DCLK2: variants seen among roughly 807,000 people sequenced by gnomAD.
The protein encoded by DCLK2 is doublecortin like kinase 2.
DCLK2 carries 31 observed loss-of-function variants against 78.4 expected under a neutral mutation model. The observed-to-expected ratio is 0.40, with a 90% confidence interval of 0.30 to 0.53. The LOEUF (loss-of-function observed/expected upper bound fraction) is 0.53. Among genes scored for constraint, DCLK2 ranks in the 20% least tolerant of loss-of-function variants. The probability of loss-of-function intolerance (pLI) is 0.61; values close to 1 mark genes in which losing one functional copy is unlikely to be tolerated. For missense variants in DCLK2, 872 were observed against 973.7 expected (o/e 0.90, Z 1.39); for synonymous variants, 407 against 374.9 (o/e 1.09, Z -0.99).
intron 2 of DCLK2, among the ~76,000 whole-genome samples, chr4:150,130,203 G>T (rs990309723): frequency 2.0e-5 from 3 of 152,064 alleles, no homozygotes; most frequent in Non-Finnish European, 2.9e-5. Context: ...TACCTGCCTA[G>T]CTCATTCAGA....
intron 2 of DCLK2, among the ~76,000 whole-genome samples, chr4:150,149,867 G>A (rs1282774958): frequency 6.6e-6 from 1 of 152,178 alleles, no homozygotes; most frequent in Non-Finnish European, 1.5e-5. Flanking sequence ...AAGTGCTACT[G>A]AATTACATAA....
chr4:150,212,758 G>C (rs1740409592), intron 5 of DCLK2, among the ~76,000 whole-genome samples: 1 of 152,172 alleles, frequency 6.6e-6, no homozygotes, highest in South Asian at 2.1e-4. Flanking sequence ...AAGTAAATCA[G>C]TGTATAAATA....
chr4:150,220,607 A>G (rs1741112351), intron 5 of DCLK2, 96 bp from the exon 6 acceptor site: 2 of 1,031,286 alleles, frequency 1.9e-6, no homozygotes, highest in East Asian at 5.0e-5. Context: ...TCTGTGACAC[A>G]TTTTTACATT....
chr4:150,172,627 AAAG>A (rs1560831890), intron 2 of DCLK2, among the ~76,000 whole-genome samples: 2 of 151,162 alleles, frequency 1.3e-5, no homozygotes, highest in African/African-American at 2.4e-5. Context: ...AAAAAAAAAA[AAAG>A]AAATCCATAG....
chr4:150,204,564 C>T (rs948323950), intron 5 of DCLK2, among the ~76,000 whole-genome samples: 4 of 152,038 alleles, frequency 2.6e-5, no homozygotes, highest in Non-Finnish European at 5.9e-5. Context: ...AGAAAATTTG[C>T]CTGGTAAAAT....
At chr4:150,153,368 G>A (rs1367095489) in intron 2 of DCLK2, among the ~76,000 whole-genome samples, 1 of 152,038 alleles carries the variant, frequency 6.6e-6, no homozygotes, top group Admixed American at 6.5e-5. Flanking sequence ...CTCCAGGCCT[G>A]CCAGCCTTGA....
At chr4:150,181,617 G>GTT (rs145929610) in intron 2 of DCLK2, among the ~76,000 whole-genome samples, 50 of 146,692 alleles carry the variant, frequency 3.4e-4, no homozygotes, top group African/African-American at 9.5e-4. Flanking sequence ...TAGATCCAGT[G>GTT]TTTTTTTATT....
chr4:150,081,830 TAAAA>T (rs144505113), intron 1 of DCLK2, among the ~76,000 whole-genome samples: 57 of 143,162 alleles, frequency 4.0e-4, no homozygotes, highest in East Asian at 6.1e-4. Context: ...CATCTCTACT[TAAAA>T]AAAAAAAAAA....
intron 2 of DCLK2, among the ~76,000 whole-genome samples, chr4:150,109,934 C>T (rs560693000): frequency 1.3e-5 from 2 of 152,052 alleles, no homozygotes; most frequent in African/African-American, 4.8e-5. Context: ...TTTGATGAAC[C>T]CCTTTTTAAA....
chr4:150,237,561 G>A (rs1742601789), intron 10 of DCLK2, among the ~76,000 whole-genome samples: 1 of 152,154 alleles, frequency 6.6e-6, no homozygotes, highest in Admixed American at 6.5e-5. Flanking sequence ...GGACATCACA[G>A]GTAAGGGAGG....
chr4:150,122,377 C>A (rs1195768437), intron 2 of DCLK2, among the ~76,000 whole-genome samples: 1 of 152,162 alleles, frequency 6.6e-6, no homozygotes, highest in Non-Finnish European at 1.5e-5. Context: ...CAATGATAGA[C>A]TGGATAAAGC....
chr4:150,151,259 G>C (rs1734874376), intron 2 of DCLK2, among the ~76,000 whole-genome samples: 1 of 152,182 alleles, frequency 6.6e-6, no homozygotes, highest in African/African-American at 2.4e-5. Context: ...TCTGGAAAGG[G>C]TAACCAGCCA....
At chr4:150,225,334 T>G (rs1580751410) in intron 8 of DCLK2, among the ~76,000 whole-genome samples, 1 of 152,206 alleles carries the variant, frequency 6.6e-6, no homozygotes, top group Non-Finnish European at 1.5e-5. Flanking sequence ...TAAGATAAAC[T>G]TTTTTCCTTC....
Position 150,095,943 on chromosome 4 carries a change from C to T in DCLK2, c.422-6535C>T, listed in dbSNP as rs138814955. ...GCTGATATGACACTAATGTAGGAAC[C>T]TGCAGGGAAGTGGTGGGAAATGAGG... On this transcript the variant is annotated intron_variant, in intron 1 of 15. Coordinates refer to ENST00000296550, the MANE Select transcript of DCLK2 (RefSeq NM_001040260.4). Among the ~76,000 whole-genome samples, 141 of 152,302 alleles carry T rather than the reference C, an allele frequency of 9.3e-4. No individual in the cohort carries two copies. In the Middle Eastern group the frequency reaches 0.014, roughly 15 times the overall value.
chr4:150,154,009 A>G (rs1735078838), intron 2 of DCLK2, among the ~76,000 whole-genome samples: 1 of 152,168 alleles, frequency 6.6e-6, no homozygotes, highest in South Asian at 2.1e-4. Flanking sequence ...TTCAGAATCA[A>G]ACTGTGTAAT....
At chr4:150,125,918 A>G (rs1172121608) in intron 2 of DCLK2, among the ~76,000 whole-genome samples, 1 of 152,072 alleles carries the variant, frequency 6.6e-6, no homozygotes, top group Non-Finnish European at 1.5e-5. Flanking sequence ...AACCCACAAT[A>G]AAAATAGTTA....
intron 10 of DCLK2, among the ~76,000 whole-genome samples, chr4:150,238,764 A>G (rs2126594322): frequency 1.3e-5 from 2 of 152,274 alleles, no homozygotes; most frequent in South Asian, 2.1e-4. Context: ...CACTTCATAG[A>G]TGAAGAAATG....
intron 2 of DCLK2, among the ~76,000 whole-genome samples, chr4:150,143,397 A>G (rs1734239343): frequency 6.6e-6 from 1 of 152,196 alleles, no homozygotes; most frequent in South Asian, 2.1e-4. Context: ...TGATCTCAAC[A>G]CTTTGAGAGG....
chr4:150,253,540 C>G, intron 15 of DCLK2: 9 of 1,289,658 alleles, frequency 7.0e-6, no homozygotes, highest in Non-Finnish European at 9.1e-6. Context: ...AGTGGGAGAG[C>G]CTGAAGCAGA....
Sources: gnomAD v4.1 joint callset for allele counts (sites outside exome capture counted in the v4.1 genomes callset) on GRCh38, gnomAD v4.1.1 for gene constraint, MANE v1.5 for transcripts, NCBI Gene and HGNC (gene_info 2026-07-23, HGNC 2026-07-21) for gene names.